The following CRB1 variants were observed in gnomAD, a reference collection of about 807,000 sequenced individuals.
The protein encoded by CRB1 is crumbs cell polarity complex component 1.
A neutral mutation model predicts 120.0 loss-of-function variants in CRB1; 83 were observed. That is an observed-to-expected ratio of 0.69 (90% CI 0.58 to 0.83). The LOEUF is 0.83. Among genes scored for constraint, CRB1 ranks in the 40% least tolerant of loss-of-function variants. The pLI, the probability that CRB1 is intolerant of heterozygous loss-of-function variation, is 0.00. For missense variants in CRB1, 1,699 were observed against 1,687.6 expected (o/e 1.01, Z -0.12); for synonymous variants, 625 against 612.5 (o/e 1.02, Z -0.30).
At chr1:197,425,940 T>C (rs996984105) in intron 6 of CRB1, among the ~76,000 whole-genome samples, 1 of 151,892 alleles carries the variant, frequency 6.6e-6, no homozygotes, top group Non-Finnish European at 1.5e-5. Context: ...GTGGGGCCGA[T>C]GGAAGGTGGT....
At position 197,386,984 on chromosome 1, in the gene CRB1, A is replaced by T. The variant is rs547666171; in HGVS notation, c.1171+29971A>T. Among the ~76,000 whole-genome samples, 3 of 152,294 alleles carry T rather than the reference A, an allele frequency of 2.0e-5. No homozygotes were observed. The East Asian group carries it at 5.8e-4, about 29-fold the overall frequency. ...TTTGTTTACTTTCTCCATCCAAGTTAACAGTCTTCCCTGATAGAAACATTT... is the reference window on the plus strand; with the variant it reads ...TTTGTTTACTTTCTCCATCCAAGTTTACAGTCTTCCCTGATAGAAACATTT... On this transcript the variant is annotated intron_variant, in intron 5 of 11. Coordinates refer to ENST00000367400, the MANE Select transcript of CRB1 (RefSeq NM_201253.3).
chr1:197,343,529 A>G (rs1027471269), intron 2 of CRB1, among the ~76,000 whole-genome samples: 46 of 152,134 alleles, frequency 3.0e-4, no homozygotes, highest in African/African-American at 1.1e-3. Context: ...AATAGCTTCT[A>G]ATGATGCCAT....
the CRB1 span, among the ~76,000 whole-genome samples, chr1:197,244,971 A>T: frequency 1.3e-5 from 2 of 150,754 alleles, no homozygotes; most frequent in East Asian, 3.9e-4. Flanking sequence ...TTATCTGTTG[A>T]GGTTTGTTTG....
intron 1 of CRB1, among the ~76,000 whole-genome samples, chr1:197,299,104 A>C (rs1232588475): frequency 6.6e-6 from 1 of 152,162 alleles, no homozygotes; most frequent in Non-Finnish European, 1.5e-5. Flanking sequence ...GCATACAGTC[A>C]ACAAGATAAT....
rs1027553003 is a variant in CRB1 at position 197,454,049 on chromosome 1, C to T, written c.4005+11757C>T. 2.0e-5 allele frequency among the ~76,000 whole-genome samples: 3 copies of T among 149,684 alleles called. No individual in the cohort carries two copies. The Admixed American group carries it at 2.0e-4, about 10-fold the overall frequency. ...TCATGTTGCCGAGGCTGGTCTCAAG[C>T]TCCCAGGCTCAAGCAATCCTCCTGC... On this transcript the variant is annotated intron_variant, in intron 11 of 11. Transcript: ENST00000367400.
the CRB1 span, among the ~76,000 whole-genome samples, chr1:197,201,582 C>G: frequency 1.3e-5 from 2 of 152,186 alleles, no homozygotes; most frequent in African/African-American, 4.8e-5. Flanking sequence ...CTACCCCGAT[C>G]GAAACCGTGA....
chr1:197,426,856 T>C (rs1403166118), intron 6 of CRB1, among the ~76,000 whole-genome samples: 1 of 152,178 alleles, frequency 6.6e-6, no homozygotes, highest in Non-Finnish European at 1.5e-5. Flanking sequence ...ATTTACAGAC[T>C]AAAAACCTGA....
chr1:197,245,046 C>G, the CRB1 span, among the ~76,000 whole-genome samples: 1 of 151,842 alleles, frequency 6.6e-6, no homozygotes, highest in South Asian at 2.1e-4. Flanking sequence ...TTGTATACTT[C>G]TTTTCTGATA....
the CRB1 span, among the ~76,000 whole-genome samples, chr1:197,234,199 C>T: frequency 2.1e-4 from 32 of 152,178 alleles, no homozygotes; most frequent in African/African-American, 7.2e-4. Flanking sequence ...TGGTTCCCCT[C>T]GTCTTGAGTT....
chr1:197,420,674 C>T (rs1664256346), intron 5 of CRB1, among the ~76,000 whole-genome samples: 1 of 152,074 alleles, frequency 6.6e-6, no homozygotes, highest in Non-Finnish European at 1.5e-5. Flanking sequence ...GTGCCAAGAG[C>T]GATCTTTTTT....
chr1:197,290,400 G>T (rs1034184517), intron 1 of CRB1, among the ~76,000 whole-genome samples: 1 of 151,344 alleles, frequency 6.6e-6, no homozygotes, highest in Admixed American at 6.6e-5. Context: ...GATGTGAAAG[G>T]ACAGGAAGTC....
chr1:197,387,475 C>T (rs1417855226), intron 5 of CRB1, among the ~76,000 whole-genome samples: 1 of 151,990 alleles, frequency 6.6e-6, no homozygotes, highest in African/African-American at 2.4e-5. Context: ...GTGAATTTAA[C>T]AGAAAGTTCC....
At position 197,390,520 on chromosome 1, in the gene CRB1, A is replaced by G. The variant is rs921827449; in HGVS notation, c.1172-30480A>G. On this transcript the variant is annotated intron_variant, in intron 5 of 11. Coordinates refer to ENST00000367400, the MANE Select transcript of CRB1 (RefSeq NM_201253.3). ...CAGAAGGCACATTTGATTGTTTTTC[A>G]TATCATAGGTATGTTCAGCTTTTCC... 3.9e-5 allele frequency among the ~76,000 whole-genome samples: 6 copies of G among 152,026 alleles called. No individual in the cohort carries two copies. In the South Asian group the frequency reaches 1.2e-3, roughly 32 times the overall value.
chr1:197,262,039 A>G, the CRB1 span, among the ~76,000 whole-genome samples: 5 of 152,176 alleles, frequency 3.3e-5, no homozygotes, highest in Non-Finnish European at 7.4e-5. Flanking sequence ...TTTTCCTCAG[A>G]AGACTGCATC....
chr1:197,337,039 G>A (rs1390260046), intron 2 of CRB1, among the ~76,000 whole-genome samples: 1 of 152,152 alleles, frequency 6.6e-6, no homozygotes, highest in African/African-American at 2.4e-5. Context: ...TGAAAAGTTT[G>A]GTCCTTCCAA....
At chr1:197,226,450 T>G in the CRB1 span, among the ~76,000 whole-genome samples, 1 of 152,216 alleles carries the variant, frequency 6.6e-6, no homozygotes, top group Non-Finnish European at 1.5e-5. Context: ...TTTTTGCAGA[T>G]TATATTTCCC....
At position 197,429,625 on chromosome 1, in the gene CRB1, T is replaced by G. The variant is rs369185337; in HGVS notation, c.2842+11T>G. The G allele has an allele frequency of 1.9e-6, 3 of 1,613,398 alleles. No homozygotes were observed. The highest frequency in any genetic ancestry group is 2.5e-6 in the Non-Finnish European group (3 of 1,179,518). On this transcript the variant is annotated intron_variant, in intron 8 of 11. Coordinates refer to ENST00000367400, the MANE Select transcript of CRB1 (RefSeq NM_201253.3). ...TTCAAGGATTTGAATGTAGGTAGAGTTCAAACCTACCATCTCACCAGTTAA... is the reference window on the plus strand; with the variant it reads ...TTCAAGGATTTGAATGTAGGTAGAGGTCAAACCTACCATCTCACCAGTTAA...
chr1:197,220,051 G>T, the CRB1 span, among the ~76,000 whole-genome samples: 13 of 151,916 alleles, frequency 8.6e-5, no homozygotes, highest in Non-Finnish European at 1.6e-4. Context: ...AATTTTTTTT[G>T]TGTGTTTTTC....
intron 4 of CRB1, among the ~76,000 whole-genome samples, chr1:197,353,552 G>T (rs988086153): frequency 1.3e-5 from 2 of 152,144 alleles, no homozygotes; most frequent in African/African-American, 4.8e-5. Flanking sequence ...TGTAATCCTA[G>T]CACTTTGGGA....
Sources: allele counts gnomAD v4.1 joint callset (sites outside exome capture counted in the v4.1 genomes callset), GRCh38; gene constraint gnomAD v4.1.1; transcripts MANE v1.5; gene names NCBI Gene and HGNC (gene_info 2026-07-23, HGNC 2026-07-21).